DGKB: variants seen among roughly 807,000 people sequenced by gnomAD.
DGKB encodes 90 kDa diacylglycerol kinase.
Under a neutral mutation model 114.3 loss-of-function variants are expected in DGKB, and 67 were observed. The observed-to-expected ratio is 0.59, with a 90% CI of 0.48 to 0.72. The LOEUF is 0.72. Ranked by LOEUF, DGKB falls within the 30% of genes least tolerant of loss-of-function variation. The pLI is 0.00. For synonymous variants in DGKB, 398 were observed against 323.1 expected, an observed-to-expected ratio of 1.23 and a Z score of -2.49; for missense variants, 907 against 975.2, an observed-to-expected ratio of 0.93 and a Z score of 0.93.
rs147063914 is a variant in DGKB, at chr7:14,891,576, C to A, written c.-188+11016G>T. Among the ~76,000 whole-genome samples, 839 of 151,430 alleles carry A rather than the reference C, an allele frequency of 5.5e-3. 10 individuals are homozygous for A. Among genetic ancestry groups the A allele is most frequent in the African/African-American group, 0.018 (750 of 41,434 alleles). ...GTATTGCTGAAGAGATAAAGAGGGA[C>A]CATGTTATGAAGCTTTGCGTAAAAG... On this transcript the variant is annotated intron_variant, in intron 1 of 25. Coordinates refer to ENST00000402815, the MANE Select transcript of DGKB (RefSeq NM_001350709.2).
chr7:14,238,939 TA>T (rs1323719504), intron 23 of DGKB, among the ~76,000 whole-genome samples: 1 of 152,090 alleles, frequency 6.6e-6, no homozygotes, highest in African/African-American at 2.4e-5. Context: ...TAGAAACATC[TA>T]AAACAATGAT....
At chr7:14,305,410 T>C (rs905387443) in intron 23 of DGKB, among the ~76,000 whole-genome samples, 8 of 152,154 alleles carry the variant, frequency 5.3e-5, no homozygotes, top group Admixed American at 2.0e-4. Context: ...TTGCTTCATT[T>C]TTGATAATAT....
intron 23 of DGKB, among the ~76,000 whole-genome samples, chr7:14,276,049 G>A (rs1263077084): frequency 6.6e-6 from 1 of 152,094 alleles, no homozygotes; most frequent in Non-Finnish European, 1.5e-5. Flanking sequence ...GGGAATATTT[G>A]GGGGCTTTTA....
intron 23 of DGKB, among the ~76,000 whole-genome samples, chr7:14,314,616 G>C (rs944423277): frequency 5.3e-5 from 8 of 152,194 alleles, no homozygotes; most frequent in Admixed American, 5.2e-4. Context: ...AAGCCTCCAA[G>C]AACTACGGGA....
intron 23 of DGKB, among the ~76,000 whole-genome samples, chr7:14,205,671 G>A (rs903555426): frequency 6.6e-6 from 1 of 151,920 alleles, no homozygotes; most frequent in African/African-American, 2.4e-5. Flanking sequence ...GACAGGACAT[G>A]CTCTTTCCAA....
At chr7:14,659,245 G>T in intron 13 of DGKB, among the ~76,000 whole-genome samples, 1 of 151,970 alleles carries the variant, frequency 6.6e-6, no homozygotes, top group Non-Finnish European at 1.5e-5. Flanking sequence ...CATATTCATT[G>T]TTTCACATCC....
chr7:14,235,133 AC>A (rs1294110574), intron 23 of DGKB, among the ~76,000 whole-genome samples: 1 of 151,784 alleles, frequency 6.6e-6, no homozygotes, highest in Non-Finnish European at 1.5e-5. Flanking sequence ...TGGTAAACAA[AC>A]CCCTCCTCTT....
intron 1 of DGKB, among the ~76,000 whole-genome samples, chr7:14,925,870 C>CA (rs1267013345): frequency 2.6e-5 from 4 of 152,002 alleles, no homozygotes; most frequent in South Asian, 2.1e-4. Flanking sequence ...TTGGGTCCCC[C>CA]CCCCACTTCC....
intron 6 of DGKB, among the ~76,000 whole-genome samples, chr7:14,717,794 C>T (rs1439958067): frequency 1.3e-5 from 2 of 151,806 alleles, no homozygotes; most frequent in African/African-American, 4.8e-5. Flanking sequence ...AGTAAGCTGC[C>T]AGGACTATAT....
chr7:14,332,353 T>TGC (rs1389947974), intron 23 of DGKB, among the ~76,000 whole-genome samples: 1 of 152,068 alleles, frequency 6.6e-6, no homozygotes, highest in Non-Finnish European at 1.5e-5. Context: ...TGGAATCTGG[T>TGC]GCCTGCACCA....
chr7:14,449,530 T>C (rs1831179506), intron 21 of DGKB, among the ~76,000 whole-genome samples: 1 of 152,014 alleles, frequency 6.6e-6, no homozygotes, highest in Non-Finnish European at 1.5e-5. Flanking sequence ...GCCACCTTGC[T>C]CTTCTCCTTC....
Position 14,149,210 on chromosome 7 carries a change from G to A in DGKB, c.2333C>T (p.Pro778Leu), listed in dbSNP as rs1781811873. 6.2e-7 allele frequency: 1 copy of A among 1,613,262 alleles called. No homozygotes were observed. Among genetic ancestry groups the A allele is most frequent in the Non-Finnish European group, 8.5e-7 (1 of 1,179,490 alleles). The part of the protein sequence containing the change: ...TIKITHKNQA[P>L]MLMGPPPKTG... ...TTTTGGAGGCGGGCCCATCAGCATT[G>A]GGGCTTGGTTCTTGTGTGTAATTTT... Residue 778 changes from proline to leucine, a missense_variant, in exon 26 of 26, where the codon CCA becomes CTA. This residue lies in a region of DGKB where 58 missense variants were observed against 52.5 expected (regional missense o/e 1.10). Coordinates refer to ENST00000402815, the MANE Select transcript of DGKB (RefSeq NM_001350709.2).
Position 14,658,996 on chromosome 7 carries a change from G to T in DGKB, c.1134+13933C>A, listed in dbSNP as rs186444506. 1.3e-4 allele frequency among the ~76,000 whole-genome samples: 20 copies of T among 151,844 alleles called. No individual in the cohort carries two copies. In the East Asian group the frequency reaches 3.9e-3, roughly 30 times the overall value. Reference sequence around the variant, plus strand: ...TATACATGTGCCATGGTGGTTTGCTGCACCTATCAACCCATCATCTAGGTT... The same window carrying T: ...TATACATGTGCCATGGTGGTTTGCTTCACCTATCAACCCATCATCTAGGTT... On this transcript the variant is annotated intron_variant, in intron 13 of 25. Transcript: ENST00000402815.
intron 20 of DGKB, among the ~76,000 whole-genome samples, chr7:14,573,506 TA>T (rs1798687681): frequency 1.4e-5 from 2 of 141,876 alleles, no homozygotes; most frequent in African/African-American, 5.3e-5. Flanking sequence ...TGTGTGTGTG[TA>T]TGAGATGTGA....
intron 1 of DGKB, among the ~76,000 whole-genome samples, chr7:14,865,256 T>C (rs1465427928): frequency 6.6e-6 from 1 of 152,192 alleles, no homozygotes; most frequent in African/African-American, 2.4e-5. Context: ...TTATCCTCAG[T>C]TCCATTGCCT....
In DGKB at chr7:14,919,095, A is replaced by ACACAAACAC. The variant is rs1554345122; in HGVS notation, c.-188+55600_-188+55601insGTGTTTGTG. ...ACACACACACACACACACACACACA[A>ACACAAACAC]ACACACACACACACACACACACACA... On this transcript the variant is annotated intron_variant, in intron 1 of 4. Transcript: ENST00000437998. Among the ~76,000 whole-genome samples, 47 of 114,970 alleles carry ACACAAACAC rather than the reference A, an allele frequency of 4.1e-4. 1 individual carries two copies. The East Asian group carries it at 6.6e-3, about 16-fold the overall frequency. 75.4% of individuals were successfully genotyped at this position (114,970 alleles called of 152,430 possible). A position where few individuals can be genotyped will look rare whatever the true frequency, so the allele number is the denominator to read the frequency against.
At chr7:14,191,754 A>G in intron 23 of DGKB, 1 of 342,774 alleles carries the variant, frequency 2.9e-6, no homozygotes, top group Non-Finnish European at 6.0e-6. Flanking sequence ...GATGACAGCA[A>G]AAATGACCCA....
At chr7:14,764,530 G>A (rs1199648605) in intron 2 of DGKB, among the ~76,000 whole-genome samples, 1 of 151,834 alleles carries the variant, frequency 6.6e-6, no homozygotes, top group Non-Finnish European at 1.5e-5. Flanking sequence ...AACACAGTGA[G>A]GCAGATTTAA....
At chr7:14,386,442 A>C (rs892810353) in intron 21 of DGKB, among the ~76,000 whole-genome samples, 1 of 151,956 alleles carries the variant, frequency 6.6e-6, no homozygotes, top group Non-Finnish European at 1.5e-5. Context: ...CTAACACGTG[A>C]CTCCTGTATC....
Sources: allele counts gnomAD v4.1 joint callset (sites outside exome capture counted in the v4.1 genomes callset), GRCh38; gene constraint gnomAD v4.1.1; regional missense constraint gnomAD v4.1.1; transcripts MANE v1.5; gene names NCBI Gene and HGNC (gene_info 2026-07-23, HGNC 2026-07-21).